DNA2: variants seen among roughly 807,000 people sequenced by gnomAD.
DNA2 encodes the protein DNA replication ATP-dependent helicase/nuclease DNA2.
Under a neutral mutation model 119.1 loss-of-function variants are expected in DNA2, and 101 were observed. That is an observed-to-expected ratio of 0.85 (90% CI 0.72 to 1.00). The LOEUF (loss-of-function observed/expected upper bound fraction) is 1.00, where lower values mean the gene tolerates loss of function less well. Among genes scored for constraint, DNA2 ranks in the 50% least tolerant of loss-of-function variants. The pLI is 0.00. For missense variants in DNA2, 1,121 were observed against 1,255.5 expected (o/e 0.89, Z 1.62); for synonymous variants, 366 against 424.4 (o/e 0.86, Z 1.69).
intron 6 of DNA2, among the ~76,000 whole-genome samples, chr10:68,447,402 A>G (rs952483580): frequency 1.7e-4 from 25 of 151,146 alleles, no homozygotes; most frequent in African/African-American, 6.1e-4. Flanking sequence ...CTTGTAATCC[A>G]GCTACTTGAG....
At chr10:68,457,911 G>A (rs2052207333) in intron 5 of DNA2, among the ~76,000 whole-genome samples, 1 of 152,114 alleles carries the variant, frequency 6.6e-6, no homozygotes, top group African/African-American at 2.4e-5. Context: ...AGTGCCTCAT[G>A]CCCGTAATCC....
At chr10:68,454,162 A>C (rs866404722) in intron 5 of DNA2, among the ~76,000 whole-genome samples, 6 of 152,122 alleles carry the variant, frequency 3.9e-5, no homozygotes, top group Non-Finnish European at 7.4e-5. Flanking sequence ...TCCACCAGCA[A>C]ACCTCTTCAC....
At chr10:68,438,011 C>T (rs941906652) in intron 9 of DNA2, among the ~76,000 whole-genome samples, 1 of 152,092 alleles carries the variant, frequency 6.6e-6, no homozygotes, top group African/African-American at 2.4e-5. Flanking sequence ...CATGCTCGGC[C>T]CTCTACTAGT....
At chr10:68,415,262 A>G (rs1163873842) in intron 20 of DNA2, among the ~76,000 whole-genome samples, 155 bp from the exon 21 acceptor site, 1 of 151,164 alleles carries the variant, frequency 6.6e-6, no homozygotes, top group African/African-American at 2.4e-5. Flanking sequence ...TTTAAGCAAC[A>G]GGAGTTATTT....
At chr10:68,431,317 T>C (rs2051818011) in intron 13 of DNA2, among the ~76,000 whole-genome samples, 1 of 152,002 alleles carries the variant, frequency 6.6e-6, no homozygotes, top group Non-Finnish European at 1.5e-5. Flanking sequence ...AGTTTTGCTC[T>C]TGTTGTCCAG....
In DNA2 at chr10:68,471,962, C is replaced by G. The variant is rs755198594; in HGVS notation, c.-98G>C. 1.9e-6 allele frequency: 3 copies of G among 1,612,548 alleles called. No individual in the cohort carries two copies. Among genetic ancestry groups the G allele is most frequent in the East Asian group, 4.5e-5 (2 of 44,806 alleles). On this transcript the variant is annotated 5_prime_UTR_variant, in exon 1 of 21. Coordinates refer to ENST00000358410, the MANE Select transcript of DNA2 (RefSeq NM_001080449.3). Reference sequence around the variant, plus strand: ...AGGGAAAAAGGCGCGAGCCTGCGCACCTCGCGCGCATGCGCCAACCCGCAG... The same window carrying G: ...AGGGAAAAAGGCGCGAGCCTGCGCAGCTCGCGCGCATGCGCCAACCCGCAG...
chr10:68,443,242 C>T, intron 8 of DNA2, 131 bp from the exon 9 acceptor site: 1 of 782,222 alleles, frequency 1.3e-6, no homozygotes, highest in Non-Finnish European at 1.9e-6. Flanking sequence ...CCTAATGTTC[C>T]TTAAAAGTCA....
upstream of DNA2, chr10:68,472,137 A>T (rs1312115243): frequency 1.4e-6 from 2 of 1,413,848 alleles, no homozygotes; most frequent in African/African-American, 2.9e-5. Flanking sequence ...GAAGCAGACT[A>T]AACGCTCCTG....
rs2051637283 is a variant in DNA2, at chr10:68,419,467, G to C, written c.2788-254C>G. On this transcript the variant is annotated intron_variant, in intron 18 of 20. Coordinates refer to ENST00000358410, the MANE Select transcript of DNA2 (RefSeq NM_001080449.3). ...TAAAGGATTATATGCTACTAAAACA[G>C]TGCACACACACACACACACAGTACA... 10 of 515,822 alleles carry C rather than the reference G, an allele frequency of 1.9e-5. No individual in the cohort carries two copies. In the South Asian group the frequency reaches 2.7e-4, roughly 14 times the overall value. The allele number at this position is 515,822 out of a possible 1,614,324, so 32.0% of individuals were successfully genotyped here.
chr10:68,430,420 C>G lies in DNA2; in HGVS notation c.2208+16G>C, dbSNP rs950257715. The stretch of plus-strand genomic sequence containing the variant: ...GACATTAACTGTTAGTATTATTATA[C>G]AATAATTGTGCTTACTTGACTATTG... On this transcript the variant is annotated intron_variant, in intron 14 of 20. Transcript: ENST00000358410. 1.3e-6 allele frequency: 2 copies of G among 1,511,116 alleles called. No homozygotes were observed. The highest frequency in any genetic ancestry group is 1.8e-6 in the Non-Finnish European group (2 of 1,101,044). 93.6% of individuals were successfully genotyped at this position (1,511,116 alleles called of 1,614,324 possible). A position where few individuals can be genotyped will look rare whatever the true frequency, so the allele number is the denominator to read the frequency against.
chr10:68,457,788 T>C (rs1162696098), intron 5 of DNA2, among the ~76,000 whole-genome samples: 1 of 147,054 alleles, frequency 6.8e-6, no homozygotes, highest in Non-Finnish European at 1.5e-5. Flanking sequence ...CAGCATTAAA[T>C]GGCTAAACAC....
intron 13 of DNA2, among the ~76,000 whole-genome samples, chr10:68,431,407 C>T (rs867562486): frequency 6.6e-6 from 1 of 151,914 alleles, no homozygotes; most frequent in Admixed American, 6.6e-5. Flanking sequence ...CTCAGCCTCC[C>T]GAGTAAAGCT....
chr10:68,436,852 T>C (rs758489928), intron 10 of DNA2, 159 bp downstream of exon 10: 4 of 595,308 alleles, frequency 6.7e-6, no homozygotes, highest in African/African-American at 1.9e-5. Flanking sequence ...GAGTTTCTTT[T>C]TGGGGTGATG....
At chr10:68,420,163 AT>A (rs542843614) in intron 17 of DNA2, among the ~76,000 whole-genome samples, 229 of 152,356 alleles carry the variant, frequency 1.5e-3, no homozygotes, top group African/African-American at 5.3e-3. Flanking sequence ...TCACTTTGTT[AT>A]CCCCCATTTT....
chr10:68,468,405 G>A, intron 2 of DNA2, 99 bp from the exon 3 acceptor site: 2 of 749,880 alleles, frequency 2.7e-6, no homozygotes, highest in South Asian at 5.2e-5. Flanking sequence ...TATTTTATCT[G>A]AAGAAGAAAA....
chr10:68,435,001 G>A (rs887031253), intron 10 of DNA2, among the ~76,000 whole-genome samples: 4 of 152,204 alleles, frequency 2.6e-5, no homozygotes, highest in Non-Finnish European at 5.9e-5. Flanking sequence ...GACTGTGAAA[G>A]AGGAGGGAAT....
chr10:68,419,206 C>A lies in DNA2; in HGVS notation c.2795G>T (p.Cys932Phe). The A allele has an allele frequency of 6.4e-7, 1 of 1,570,706 alleles. No homozygotes were observed. The highest frequency in any genetic ancestry group is 8.6e-7 in the Non-Finnish European group (1 of 1,163,730). The change falls in exon 19 of 21, where the codon TGC (cysteine) becomes TTC (phenylalanine). Residue 932 changes from cysteine to phenylalanine, a missense_variant. By Grantham distance (205) the Cys-to-Phe change is radical. Coordinates refer to ENST00000358410, the MANE Select transcript of DNA2 (RefSeq NM_001080449.3). Reference protein sequence around the residue: ...FLTSIFVKAGCSPSDIGIIAP... With the variant: ...FLTSIFVKAGFSPSDIGIIAP... The stretch of plus-strand genomic sequence containing the variant: ...AATAATACCAATATCAGAGGGACTG[C>A]ATCCAGCCTAAATAGAAAAAGACAC...
intron 5 of DNA2, among the ~76,000 whole-genome samples, chr10:68,450,908 G>C (rs2052108766): frequency 6.6e-6 from 1 of 152,020 alleles, no homozygotes; most frequent in Non-Finnish European, 1.5e-5. Context: ...AGACCAGCCT[G>C]GCCAACATGG....
chr10:68,468,338 C>T (rs184466695), intron 2 of DNA2, 32 bp from the exon 3 acceptor site: 6 of 1,440,916 alleles, frequency 4.2e-6, no homozygotes, highest in Middle Eastern at 4.2e-4. Flanking sequence ...AGTATAAATA[C>T]ATAGCTTAGG....
Sources: allele counts gnomAD v4.1 joint callset (sites outside exome capture counted in the v4.1 genomes callset), GRCh38; gene constraint gnomAD v4.1.1; transcripts MANE v1.5; gene names NCBI Gene and HGNC (gene_info 2026-07-23, HGNC 2026-07-21).